GPC3: variants seen among roughly 807,000 people sequenced by gnomAD.
GPC3 encodes glypican-3.
Under a neutral mutation model 34.4 loss-of-function variants are expected in GPC3, and 3 were observed. That is an observed-to-expected ratio of 0.09 (90% confidence interval 0.04 to 0.23). The LOEUF (loss-of-function observed/expected upper bound fraction) is 0.23. GPC3 is among the 10% of genes least tolerant of loss of function. The pLI is 1.00. For synonymous variants in GPC3, 177 were observed against 174.0 expected (o/e 1.02, Z -0.13); for missense variants, 351 against 445.6 (o/e 0.79, Z 1.91).
chrX:133,718,309 G>A (rs958218506), intron 3 of GPC3, among the ~76,000 whole-genome samples: 1 of 111,519 alleles, frequency 9.0e-6, no homozygotes, highest in South Asian at 3.8e-4. Context: ...AGGGAATTAA[G>A]CTTTACAGAA....
chrX:133,592,978 T>C (rs1469017004), intron 7 of GPC3, among the ~76,000 whole-genome samples: 2 of 110,825 alleles, frequency 1.8e-5, no homozygotes, highest in African/African-American at 6.6e-5. Context: ...AATTGCACCT[T>C]GAAGGATGGG....
intron 2 of GPC3, among the ~76,000 whole-genome samples, chrX:133,911,675 G>T (rs1223896503): frequency 9.0e-6 from 1 of 111,724 alleles, no homozygotes; most frequent in East Asian, 2.8e-4. Flanking sequence ...GACTTCACAA[G>T]AACAGTATAT....
intron 2 of GPC3, among the ~76,000 whole-genome samples, chrX:133,923,503 G>A (rs1211576375): frequency 1.8e-5 from 2 of 111,901 alleles, no homozygotes; most frequent in South Asian, 7.6e-4. Flanking sequence ...AGACAGAGGA[G>A]AGAAATTATT....
In GPC3 at chrX:133,754,400, G is replaced by A. The variant is rs191536572; in HGVS notation, c.338-224C>T. ...GAACATGAAGTCCAGATTCTGATGT[G>A]CACATAAATTCTTAAACACACAAAT... On this transcript the variant is annotated intron_variant, in intron 2 of 7. Coordinates refer to ENST00000370818, the MANE Select transcript of GPC3 (RefSeq NM_004484.4). Among the ~76,000 whole-genome samples, 46 of 111,613 alleles carry A rather than the reference G, an allele frequency of 4.1e-4. 1 individual carries two copies. Among genetic ancestry groups the A allele is most frequent in the African/African-American group, 1.5e-3 (45 of 30,760 alleles).
chrX:133,801,692 A>ATT lies in GPC3; in HGVS notation c.338-47517_338-47516insAA, dbSNP rs1252329638. On this transcript the variant is annotated intron_variant, in intron 2 of 7. Transcript: ENST00000370818. ...TTTAATTAAAAGGTCAAGAACACTA[A>ATT]AATACAACAAGACATGTATCAGCAT... 8.9e-5 allele frequency among the ~76,000 whole-genome samples: 10 copies of ATT among 112,429 alleles called. No homozygotes were observed. The Admixed American group carries it at 9.4e-4, about 11-fold the overall frequency.
At chrX:133,969,642 C>A (rs2076481479) in intron 1 of GPC3, among the ~76,000 whole-genome samples, 1 of 111,099 alleles carries the variant, frequency 9.0e-6, no homozygotes, top group Non-Finnish European at 1.9e-5. Flanking sequence ...TAAAAAAAAA[C>A]ATCTGAGTGC....
At chrX:133,854,130 A>G (rs982118335) in intron 2 of GPC3, among the ~76,000 whole-genome samples, 5 of 110,174 alleles carry the variant, frequency 4.5e-5, no homozygotes, top group Admixed American at 3.9e-4. Flanking sequence ...TTTACTTTTG[A>G]CTCTCCCCTA....
intron 2 of GPC3, among the ~76,000 whole-genome samples, chrX:133,814,426 AAC>A (rs1274096840): frequency 9.0e-6 from 1 of 111,463 alleles, no homozygotes; most frequent in East Asian, 2.8e-4. Context: ...AGGAGAGACA[AAC>A]AGTTTCAATT....
chrX:133,650,304 C>G (rs891532084), intron 6 of GPC3, among the ~76,000 whole-genome samples: 13 of 110,609 alleles, frequency 1.2e-4, no homozygotes, highest in African/African-American at 4.3e-4. Context: ...CCTGGTGGGG[C>G]TGAAGATTAA....
intron 5 of GPC3, among the ~76,000 whole-genome samples, chrX:133,681,337 A>C (rs975078419): frequency 8.9e-6 from 1 of 112,012 alleles, no homozygotes; most frequent in Non-Finnish European, 1.9e-5. Context: ...CTAAGGTTGT[A>C]AGTTTAAACA....
intron 2 of GPC3, among the ~76,000 whole-genome samples, chrX:133,853,056 G>A (rs2075882793): frequency 9.3e-6 from 1 of 107,431 alleles, no homozygotes; most frequent in African/African-American, 3.4e-5. Context: ...AGGCAGCATG[G>A]AGTATTAGAA....
At chrX:133,786,159 G>A (rs2072098604) in intron 2 of GPC3, among the ~76,000 whole-genome samples, 2 of 112,417 alleles carry the variant, frequency 1.8e-5, no homozygotes, top group African/African-American at 6.5e-5. Context: ...TTGGGAGGCC[G>A]AGGTGGGTGG....
At chrX:133,982,789 C>T (rs148516375) in intron 1 of GPC3, among the ~76,000 whole-genome samples, 35 of 111,952 alleles carry the variant, frequency 3.1e-4, no homozygotes, top group African/African-American at 1.0e-3. Flanking sequence ...AATATGGATG[C>T]AGAGGGGGGA....
At chrX:133,719,141 A>G (rs1287861314) in intron 3 of GPC3, among the ~76,000 whole-genome samples, 1 of 111,439 alleles carries the variant, frequency 9.0e-6, no homozygotes, top group Admixed American at 9.6e-5. Flanking sequence ...GGTAAAACAC[A>G]ATTCTCTACT....
chrX:133,598,135 G>A (rs1010356737), intron 6 of GPC3, among the ~76,000 whole-genome samples: 9 of 111,705 alleles, frequency 8.1e-5, no homozygotes, highest in African/African-American at 2.9e-4. Flanking sequence ...TAACAAGAAT[G>A]AACCCATGAT....
chrX:133,635,845 A>C (rs921723122), intron 6 of GPC3, among the ~76,000 whole-genome samples: 2 of 107,371 alleles, frequency 1.9e-5, no homozygotes, highest in Non-Finnish European at 3.8e-5. Flanking sequence ...AAAAAAAAAA[A>C]CACTTCATAA....
intron 5 of GPC3, among the ~76,000 whole-genome samples, chrX:133,669,172 G>C (rs1432036249): frequency 8.9e-6 from 1 of 112,019 alleles, no homozygotes; most frequent in Non-Finnish European, 1.9e-5. Context: ...TGTGTTCTTG[G>C]GAGACAAGGT....
chrX:133,908,315 T>C (rs1417426765), intron 2 of GPC3, among the ~76,000 whole-genome samples: 1 of 111,620 alleles, frequency 9.0e-6, no homozygotes, highest in Non-Finnish European at 1.9e-5. Context: ...TCTCTGACCA[T>C]TGCTGAGGAC....
chrX:133,946,897 A>C (rs1465704293), intron 2 of GPC3, among the ~76,000 whole-genome samples: 2 of 111,417 alleles, frequency 1.8e-5, no homozygotes, highest in African/African-American at 6.5e-5. Context: ...CAGGTGCCTC[A>C]GTCCCTGGAA....
Sources: gnomAD v4.1 joint callset for allele counts (sites outside exome capture counted in the v4.1 genomes callset) on GRCh38, gnomAD v4.1.1 for gene constraint, MANE v1.5 for transcripts, NCBI Gene and HGNC (gene_info 2026-07-23, HGNC 2026-07-21) for gene names.